The following CREBRF variants were observed in gnomAD, a reference collection of about 807,000 sequenced individuals.
CREBRF encodes CREB3 regulatory factor.
CREBRF carries 5 observed loss-of-function variants against 66.1 expected under a neutral mutation model. The ratio of observed to expected loss-of-function variants is 0.08; its 90% CI spans 0.04 to 0.16. The LOEUF is 0.16. CREBRF is among the 10% of genes least tolerant of loss of function. The pLI is 1.00. For missense variants in CREBRF, 531 were observed against 744.9 expected (o/e 0.71, Z 3.34); for synonymous variants, 229 against 264.4 (o/e 0.87, Z 1.30).
At chr5:173,066,094 C>T (rs1049423195) in intron 1 of CREBRF, among the ~76,000 whole-genome samples, 1 of 152,020 alleles carries the variant, frequency 6.6e-6, no homozygotes, top group Non-Finnish European at 1.5e-5. Context: ...AGGCTGCAGG[C>T]GTGTGCCACC....
At chr5:173,129,106 CTTTTTTTTT>C (rs70984946) in intron 8 of CREBRF, among the ~76,000 whole-genome samples, 1,141 of 53,702 alleles carry the variant, frequency 0.021, 14 homozygotes, top group African/African-American at 0.086. Context: ...TTAGTTACAT[CTTTTTTTTT>C]TTTTTTTTTT....
chr5:173,057,818 T>TC (rs1397961027), intron 1 of CREBRF: 1 of 151,242 alleles, frequency 6.6e-6, no homozygotes, highest in African/African-American at 2.4e-5. Context: ...GTTTCTTTTT[T>TC]TTTTTTTTTC....
At chr5:173,109,223 A>G in intron 5 of CREBRF, 1 of 160,390 alleles carries the variant, frequency 6.2e-6, no homozygotes, top group Non-Finnish European at 1.4e-5. Flanking sequence ...TCAAACGGTA[A>G]TGGGGATAAA....
intron 7 of CREBRF, among the ~76,000 whole-genome samples, chr5:173,112,622 A>T (rs1209601018): frequency 6.6e-6 from 1 of 152,226 alleles, no homozygotes; most frequent in Non-Finnish European, 1.5e-5. Context: ...AAGCTGATCC[A>T]CATTGTGACC....
chr5:173,063,613 C>A (rs1757347894), intron 1 of CREBRF, among the ~76,000 whole-genome samples: 1 of 152,066 alleles, frequency 6.6e-6, no homozygotes, highest in African/African-American at 2.4e-5. Flanking sequence ...AGGTGATCCA[C>A]CTGCCTTGGC....
intron 7 of CREBRF, among the ~76,000 whole-genome samples, chr5:173,117,645 C>CCTCTCT (rs139061048): frequency 8.9e-5 from 6 of 67,116 alleles, no homozygotes; most frequent in Non-Finnish European, 1.6e-4. Flanking sequence ...CTCCTTCTCT[C>CCTCTCT]CTCTCTCTCT....
chr5:173,111,951 G>A lies in CREBRF; in HGVS notation c.1608-355G>A, dbSNP rs188682735. On this transcript the variant is annotated intron_variant, in intron 6 of 8. Transcript: ENST00000296953. ...GTTTTTTAGCCACTTTAATAGGTGT[G>A]TGCTGATATAGCTTTATTTTTAAAT... 2.8e-4 allele frequency among the ~76,000 whole-genome samples: 42 copies of A among 152,246 alleles called. No homozygotes were observed. In the East Asian group the frequency reaches 8.1e-3, roughly 29 times the overall value.
intron 4 of CREBRF, among the ~76,000 whole-genome samples, chr5:173,095,447 C>A (rs1478097842): frequency 6.6e-6 from 1 of 152,014 alleles, no homozygotes; most frequent in African/African-American, 2.4e-5. Flanking sequence ...CCTCGGCCTC[C>A]CAAAGTGCTG....
intron 1 of CREBRF, among the ~76,000 whole-genome samples, chr5:173,056,987 A>G (rs2113638601): frequency 6.8e-6 from 1 of 147,300 alleles, no homozygotes; most frequent in African/African-American, 2.6e-5. Context: ...CCAGGCTGGC[A>G]GGAGACGAAG....
At position 173,087,948 on chromosome 5, in the gene CREBRF, C is replaced by T. The variant is rs200715581; in HGVS notation, c.135+1322C>T. Among the ~76,000 whole-genome samples the T allele has an allele frequency of 1.2e-4, 18 of 151,628 alleles. No homozygotes were observed. In the East Asian group the frequency reaches 2.8e-3, roughly 24 times the overall value. ...AAGCGATTCTCCTGCCTCAGCCTCC[C>T]GAGTAGCTGGGATTACAGGCATGCA... is the stretch of plus-strand genomic sequence containing the variant. On this transcript the variant is annotated intron_variant, in intron 3 of 8. Coordinates refer to ENST00000296953, the MANE Select transcript of CREBRF (RefSeq NM_153607.3).
chr5:173,123,555 C>T, intron 8 of CREBRF: 1 of 223,268 alleles, frequency 4.5e-6, no homozygotes. Context: ...ATGCATTTCA[C>T]AGGATTCCCA....
At chr5:173,060,791 C>T (rs1757247219) in intron 1 of CREBRF, among the ~76,000 whole-genome samples, 1 of 151,536 alleles carries the variant, frequency 6.6e-6, no homozygotes, top group African/African-American at 2.4e-5. Flanking sequence ...CCAGTCTCTG[C>T]CACAACTACT....
chr5:173,108,458 A>G (rs1758797876), intron 4 of CREBRF, among the ~76,000 whole-genome samples, 166 bp from the exon 5 acceptor site: 1 of 152,250 alleles, frequency 6.6e-6, no homozygotes, highest in African/African-American at 2.4e-5. Context: ...AGAGATTTAC[A>G]TATTAAAAGT....
At chr5:173,086,121 G>A (rs187868082) in intron 2 of CREBRF, 1,108 of 802,288 alleles carry the variant, frequency 1.4e-3, no homozygotes, top group Non-Finnish European at 2.1e-3. Context: ...ACGTTATTCC[G>A]ATGGAAATTT....
chr5:173,085,753 A>G lies in CREBRF; in HGVS notation c.10-748A>G. ...TCTTTAGGCCTTTCTGTGTGAGTGT[A>G]GAACACTCCACATACCTGATGGCCT... is the stretch of plus-strand genomic sequence containing the variant. On this transcript the variant is annotated intron_variant, in intron 2 of 8. Transcript: ENST00000296953. The G allele has an allele frequency of 1.3e-5, 10 of 772,292 alleles. 1 individual carries two copies. The highest frequency in any genetic ancestry group is 1.2e-4 in the South Asian group (9 of 74,288). The allele number at this position is 772,292 out of a possible 1,614,324, so 47.8% of individuals were successfully genotyped here.
At chr5:173,084,423 A>G (rs1357485643) in intron 2 of CREBRF, among the ~76,000 whole-genome samples, 1 of 152,200 alleles carries the variant, frequency 6.6e-6, no homozygotes, top group Non-Finnish European at 1.5e-5. Flanking sequence ...GTCATCCATA[A>G]GCATGCCTTG....
Position 173,091,318 on chromosome 5 carries a change from C to T in CREBRF, c.1139C>T (p.Ser380Phe), listed in dbSNP as rs1178887715. The T allele has an allele frequency of 1.8e-5, 29 of 1,612,910 alleles. No individual in the cohort carries two copies. The highest frequency in any genetic ancestry group is 2.4e-5 in the Non-Finnish European group (28 of 1,179,404). ...DEGFGSEHEL[S>F]ENEEEEEEEE... is the part of the protein sequence containing the mutation. Reference sequence around the variant, plus strand: ...GGATTCGGCAGTGAGCATGAACTGTCTGAAAATGAGGAGGAGGAAGAAGAG... The same window carrying T: ...GGATTCGGCAGTGAGCATGAACTGTTTGAAAATGAGGAGGAGGAAGAAGAG... Residue 380 changes from serine to phenylalanine, a missense_variant, in exon 4 of 9, where the codon TCT becomes TTT. Ser to Phe is a radical substitution (Grantham distance 155, BLOSUM62 -2). Around this residue, in one of 5 missense-constraint regions of CREBRF, gnomAD observed 309 missense variants for 341.4 expected, o/e 0.90. Coordinates refer to ENST00000296953, the MANE Select transcript of CREBRF (RefSeq NM_153607.3).
intron 4 of CREBRF, among the ~76,000 whole-genome samples, chr5:173,099,793 C>T (rs1314500247): frequency 6.6e-6 from 1 of 151,554 alleles, no homozygotes; most frequent in Non-Finnish European, 1.5e-5. Context: ...GTTTTAACTT[C>T]GGCTATATGT....
chr5:173,120,123 C>CT (rs35039857), intron 7 of CREBRF, among the ~76,000 whole-genome samples: 1 of 151,536 alleles, frequency 6.6e-6, no homozygotes, highest in Non-Finnish European at 1.5e-5. Flanking sequence ...TTTTTATTTT[C>CT]TTTTTTTTAA....
Sources: gnomAD v4.1 joint callset for allele counts (sites outside exome capture counted in the v4.1 genomes callset) on GRCh38, gnomAD v4.1.1 for gene constraint, gnomAD v4.1.1 regional missense constraint, MANE v1.5 for transcripts, NCBI Gene and HGNC (gene_info 2026-07-23, HGNC 2026-07-21) for gene names.